The following ZMYM1 variants were observed in gnomAD, a reference collection of about 807,000 sequenced individuals.
The protein encoded by ZMYM1 is zinc finger MYM-type protein 1.
ZMYM1 carries 39 observed loss-of-function variants against 60.0 expected under a neutral mutation model. The ratio of observed to expected loss-of-function variants is 0.65; its 90% CI spans 0.50 to 0.85. ZMYM1 has a LOEUF of 0.85. ZMYM1 is among the 40% of genes least tolerant of loss of function. The pLI, the probability that ZMYM1 is intolerant of heterozygous loss-of-function variation, is 0.00. For synonymous variants in ZMYM1, 413 were observed against 454.0 expected (o/e 0.91, Z 1.15); for missense variants, 1,171 against 1,309.5 (o/e 0.89, Z 1.63).
chr1:35,063,473 T>A (rs902837112), intron 1 of ZMYM1, among the ~76,000 whole-genome samples: 7 of 152,034 alleles, frequency 4.6e-5, no homozygotes, highest in African/African-American at 1.4e-4. Flanking sequence ...GGCGAATTTT[T>A]AAATTTTTTT....
chr1:35,118,258 A>G (rs966327679), downstream of ZMYM1, among the ~76,000 whole-genome samples: 1 of 151,666 alleles, frequency 6.6e-6, no homozygotes. Flanking sequence ...AAAAAAAAAA[A>G]AGAAAATAGA....
At chr1:35,079,601 C>A (rs919344513) in intron 1 of ZMYM1, among the ~76,000 whole-genome samples, 159 bp downstream of exon 1, 9 of 152,158 alleles carry the variant, frequency 5.9e-5, no homozygotes, top group Admixed American at 5.9e-4. Flanking sequence ...GGGTCGGGAA[C>A]TCCGGGCCAG....
chr1:35,075,040 TTAG>T (rs1486612408), upstream of ZMYM1, among the ~76,000 whole-genome samples: 1 of 152,076 alleles, frequency 6.6e-6, no homozygotes, highest in Non-Finnish European at 1.5e-5. Context: ...TTTTGTATTT[TTAG>T]TAGAGATGGG....
chr1:35,114,557 T>C lies in ZMYM1; in HGVS notation c.2727T>C (p.Phe909=), dbSNP rs960327478. The C allele has an allele frequency of 6.2e-7, 1 of 1,610,366 alleles. No individual in the cohort carries two copies. The part of the protein sequence containing the change: ...CLSSERNDVY[F]KTIWDGTEEI... ...CATCTGAAAGAAATGACGTATACTT[T>C]AAAACAATCTGGGATGGAACAGAGG... Residue 909 remains phenylalanine, a synonymous_variant, in exon 10 of 10, where the codon TTT becomes TTC. Transcript: ENST00000359858.
chr1:35,112,014 G>A, intron 8 of ZMYM1, 73 bp from the exon 9 acceptor site: 1 of 1,555,486 alleles, frequency 6.4e-7, no homozygotes, highest in Non-Finnish European at 8.7e-7. Context: ...TATGAAATAA[G>A]CAAATATAGT....
chr1:35,067,882 A>C (rs1641999342), intron 1 of ZMYM1, among the ~76,000 whole-genome samples: 1 of 149,576 alleles, frequency 6.7e-6, no homozygotes, highest in Admixed American at 6.6e-5. Flanking sequence ...TCCAAAAAAA[A>C]CAAAAAAACA....
intron 4 of ZMYM1, among the ~76,000 whole-genome samples, chr1:35,101,220 T>G (rs1239150972): frequency 6.6e-6 from 1 of 151,030 alleles, no homozygotes; most frequent in Non-Finnish European, 1.5e-5. Context: ...GCGATTCTTC[T>G]GCCTCAGCCT....
intron 4 of ZMYM1, among the ~76,000 whole-genome samples, chr1:35,099,801 G>C (rs906321159): frequency 6.6e-6 from 1 of 152,186 alleles, no homozygotes; most frequent in African/African-American, 2.4e-5. Context: ...CTGAGTTCAA[G>C]TGATCCTCCT....
chr1:35,063,175 G>A (rs983201223), intron 1 of ZMYM1, among the ~76,000 whole-genome samples: 3 of 151,382 alleles, frequency 2.0e-5, no homozygotes, highest in Non-Finnish European at 4.4e-5. Flanking sequence ...CACCCAGGTT[G>A]GAGTGCAGTG....
At chr1:35,073,011 G>T (rs1239868320) in intron 1 of ZMYM1, among the ~76,000 whole-genome samples, 1 of 152,034 alleles carries the variant, frequency 6.6e-6, no homozygotes, top group Non-Finnish European at 1.5e-5. Flanking sequence ...GAACCTGGGA[G>T]GCAGAGGTTG....
In ZMYM1 at chr1:35,114,294, A is replaced by G; in HGVS notation, c.2464A>G (p.Ser822Gly). The part of the protein sequence containing the change: ...HDRTLLSVID[S>G]LPEIIETLEV... ...TCGTACATTACTATCTGTGATTGAC[A>G]GTCTTCCAGAGATTATTGAAACATT... Residue 822 changes from serine (S) to glycine (G), a missense_variant, in exon 10 of 10, where the codon AGT becomes GGT. By Grantham distance (56) the Ser-to-Gly change is moderately conservative. Coordinates refer to ENST00000359858, the MANE Select transcript of ZMYM1 (RefSeq NM_024772.5). 1 of 1,613,744 alleles carries G rather than the reference A, an allele frequency of 6.2e-7. No individual in the cohort carries two copies. The highest frequency in any genetic ancestry group is 8.5e-7 in the Non-Finnish European group (1 of 1,179,806).
chr1:35,078,531 A>AATTTTTTT (rs1642214884), upstream of ZMYM1, among the ~76,000 whole-genome samples: 1 of 84,422 alleles, frequency 1.2e-5, no homozygotes, highest in African/African-American at 4.4e-5. Flanking sequence ...GTTTGGGGTT[A>AATTTTTTT]TTTTAATTTT....
upstream of ZMYM1, among the ~76,000 whole-genome samples, chr1:35,078,263 C>T (rs576727091): frequency 5.9e-5 from 9 of 151,984 alleles, no homozygotes; most frequent in African/African-American, 4.8e-5. Flanking sequence ...ATTTAAGGAC[C>T]ATAGCAGCAA....
downstream of ZMYM1, among the ~76,000 whole-genome samples, chr1:35,117,283 A>G (rs1644259185): frequency 6.6e-6 from 1 of 151,972 alleles, no homozygotes; most frequent in Middle Eastern, 3.4e-3. Flanking sequence ...AGTTGTAGAA[A>G]ATATTCTCAG....
Position 35,113,143 on chromosome 1 carries a change from G to T in ZMYM1, c.1313G>T (p.Cys438Phe), listed in dbSNP as rs893430970. 1.2e-6 allele frequency: 2 copies of T among 1,613,780 alleles called. No homozygotes were observed. Among genetic ancestry groups the T allele is most frequent in the African/African-American group, 2.7e-5 (2 of 74,914 alleles). The change falls in exon 10 of 10, where the codon TGT (cysteine) becomes TTT (phenylalanine). Residue 438 changes from cysteine (C) to phenylalanine (F), a missense_variant. Cys to Phe is a radical substitution (Grantham distance 205). Transcript: ENST00000359858. ...MKSMKISDELCHPKCTSKVQK... is the reference protein window; with the variant it reads ...MKSMKISDELFHPKCTSKVQK... Reference sequence around the variant, plus strand: ...TCTATGAAAATAAGTGATGAACTATGTCACCCAAAATGTACATCCAAAGTA... The same window carrying T: ...TCTATGAAAATAAGTGATGAACTATTTCACCCAAAATGTACATCCAAAGTA...
intron 6 of ZMYM1, 137 bp from the exon 7 acceptor site, chr1:35,110,157 C>T: frequency 1.7e-6 from 1 of 596,158 alleles, no homozygotes. Flanking sequence ...TCTGTAGTGT[C>T]TTTTTAAGAA....
intron 2 of ZMYM1, among the ~76,000 whole-genome samples, chr1:35,094,395 ATTTTGT>A (rs1440090044): frequency 1.3e-5 from 2 of 152,132 alleles, no homozygotes; most frequent in Non-Finnish European, 2.9e-5. Flanking sequence ...AGGTTAACAC[ATTTTGT>A]TTTTGTTTTT....
intron 4 of ZMYM1, among the ~76,000 whole-genome samples, chr1:35,098,725 GTGAAAC>G (rs1643474678): frequency 6.6e-6 from 1 of 152,090 alleles, no homozygotes; most frequent in African/African-American, 2.4e-5. Context: ...TGGCAACACA[GTGAAAC>G]CCTGTCTCTA....
Position 35,111,815 on chromosome 1 carries a change from TTCTC to T in ZMYM1, c.1006_1009del (p.Ser336GlnfsTer9). ...TGCATGATACTTCAACAGAGCTTCT[TTCTC>T]CAAAGAAAGATACGACTCCAGTTAT... On this transcript the variant is annotated frameshift_variant, in exon 8 of 10. Transcript: ENST00000359858. LOFTEE classifies it high-confidence loss of function. The T allele has an allele frequency of 2.5e-6, 4 of 1,607,526 alleles. No homozygotes were observed. The highest frequency in any genetic ancestry group is 2.6e-6 in the Non-Finnish European group (3 of 1,175,724).
Sources: allele counts gnomAD v4.1 joint callset (sites outside exome capture counted in the v4.1 genomes callset), GRCh38; gene constraint gnomAD v4.1.1; transcripts MANE v1.5; gene names NCBI Gene and HGNC (gene_info 2026-07-23, HGNC 2026-07-21).